The following LMNB2 variants were observed in gnomAD, a reference collection of about 807,000 sequenced individuals.
LMNB2 encodes lamin B2.
Under a neutral mutation model 69.3 loss-of-function variants are expected in LMNB2, and 17 were observed. That is an observed-to-expected ratio of 0.25 (90% confidence interval 0.17 to 0.37). The LOEUF (loss-of-function observed/expected upper bound fraction) is 0.37, where lower values mean the gene tolerates loss of function less well. LMNB2 is among the 10% of genes least tolerant of loss of function. LMNB2 has a pLI of 1.00. For synonymous variants in LMNB2, 397 were observed against 389.3 expected, an observed-to-expected ratio of 1.02 and a Z score of -0.23; for missense variants, 789 against 883.6, an observed-to-expected ratio of 0.89 and a Z score of 1.36.
intron 1 of LMNB2, among the ~76,000 whole-genome samples, chr19:2,445,167 T>C (rs1478479823): frequency 8.8e-5 from 13 of 147,040 alleles, no homozygotes; most frequent in Non-Finnish European, 1.7e-4. Flanking sequence ...GAGAGCCCCC[T>C]GCCCCCACCA....
rs756578249 is a variant in LMNB2, at chr19:2,431,883, C to A, written c.1610G>T (p.Gly537Val). Residue 537 changes from glycine to valine, a missense_variant, in exon 10 of 12, where the codon GGG becomes GTG. Coordinates refer to ENST00000325327, the MANE Select transcript of LMNB2 (RefSeq NM_032737.4). ...CGTCGAGGGGGGGCTGTGGGCCACC[C>A]CCGCACCAGCTGCCCACACCTGAGG... ...QMVTVWAAGAGVAHSPPSTLV... is the reference protein window; with the variant it reads ...QMVTVWAAGAVVAHSPPSTLV... The A allele has an allele frequency of 9.3e-6, 15 of 1,612,342 alleles. No individual in the cohort carries two copies. Among genetic ancestry groups the A allele is most frequent in the Non-Finnish European group, 1.3e-5 (15 of 1,179,884 alleles).
intron 7 of LMNB2, 73 bp downstream of exon 7, chr19:2,434,222 C>T (rs1971789118): frequency 6.4e-7 from 1 of 1,564,732 alleles, no homozygotes; most frequent in Non-Finnish European, 8.6e-7. Context: ...CTCCCCGCAG[C>T]CCCGTCCCGC....
chr19:2,431,481 G>C, intron 11 of LMNB2, 67 bp downstream of exon 11: 1 of 1,600,572 alleles, frequency 6.2e-7, no homozygotes, highest in Non-Finnish European at 8.6e-7. Flanking sequence ...GCATGTGTAT[G>C]TGTGTGCACG....
rs372255864 is a variant in LMNB2 at position 2,428,645 on chromosome 19, G to C, written c.*2266C>G. ...AGGGCTGGGTGGCGTCTGATGCTTC[G>C]CAGGGAGGGCGCTAGGCTTCGAGTC... On this transcript the variant is annotated 3_prime_UTR_variant, in exon 12 of 12. Transcript: ENST00000325327. 2 of 152,348 alleles carry C rather than the reference G, an allele frequency of 1.3e-5. No individual in the cohort carries two copies. The highest frequency in any genetic ancestry group is 2.9e-5 in the Non-Finnish European group (2 of 68,136). 9.4% of individuals were successfully genotyped at this position (152,348 alleles called of 1,614,324 possible).
At position 2,433,870 on chromosome 19, in the gene LMNB2, C is replaced by T. The variant is rs748350188; in HGVS notation, c.1438G>A (p.Asp480Asn). 8 of 1,613,304 alleles carry T rather than the reference C, an allele frequency of 5.0e-6. No individual in the cohort carries two copies. Among genetic ancestry groups the T allele is most frequent in the South Asian group, 2.2e-5 (2 of 91,080 alleles). Residue 480 changes from aspartate to asparagine, a missense_variant, in exon 8 of 12, where the codon GAC becomes AAC. Physicochemically the swap from Asp to Asn is conservative, Grantham distance 23. Coordinates refer to ENST00000325327, the MANE Select transcript of LMNB2 (RefSeq NM_032737.4). ...AGCTGCACAAACTTGCCCTCCAGGT[C>T]GATCTCCTCGATGCTGACGCTACCC... ...ASGSVSIEEI[D>N]LEGKFVQLKN...
rs1036461840 is a variant in LMNB2 at position 2,443,248 on chromosome 19, C to T, written c.401+1156G>A. ...CCTGGAGCCCCAGGCCCCGGGCAGGCGGGCGGTGGTCCCTGGGCTGACCTG... is the reference window on the plus strand; with the variant it reads ...CCTGGAGCCCCAGGCCCCGGGCAGGTGGGCGGTGGTCCCTGGGCTGACCTG... On this transcript the variant is annotated intron_variant, in intron 2 of 11. Transcript: ENST00000325327. The surrounding 1 kb of genome is among the most constrained non-coding windows in gnomAD (Gnocchi z 6.2). Among the ~76,000 whole-genome samples, 1 of 152,190 alleles carries T rather than the reference C, an allele frequency of 6.6e-6. No homozygotes were observed. Among genetic ancestry groups the T allele is most frequent in the Non-Finnish European group, 1.5e-5 (1 of 68,022 alleles).
intron 2 of LMNB2, 31 bp downstream of exon 2, chr19:2,444,373 G>T: frequency 1.2e-6 from 2 of 1,613,006 alleles, no homozygotes; most frequent in Non-Finnish European, 1.7e-6. Flanking sequence ...CCAGGATCAG[G>T]GTGACGTCGT....
At chr19:2,444,263 G>C (rs1007460763) in intron 2 of LMNB2, 141 bp downstream of exon 2, 29 of 968,274 alleles carry the variant, frequency 3.0e-5, no homozygotes, top group Admixed American at 2.4e-4. Flanking sequence ...AGCCACTGGT[G>C]GGGGAGAGAG....
intron 4 of LMNB2, among the ~76,000 whole-genome samples, chr19:2,437,571 C>T (rs1480522316): frequency 2.0e-5 from 3 of 152,166 alleles, no homozygotes; most frequent in East Asian, 1.9e-4. Context: ...GAGGCCGAGG[C>T]GGATGAAGCA....
At chr19:2,446,597 G>A (rs765508799) in intron 1 of LMNB2, among the ~76,000 whole-genome samples, 5 of 152,226 alleles carry the variant, frequency 3.3e-5, no homozygotes, top group South Asian at 2.1e-4. Context: ...ATATGTGGAA[G>A]CAAACCGCAG....
chr19:2,438,172 C>G lies in LMNB2; in HGVS notation c.675G>C (p.Val225=). Residue 225 remains valine (V), a synonymous_variant, in exon 4 of 12, where the codon GTG becomes GTC. Transcript: ENST00000325327. ...LQEELDFRKS[V]FEEEVRETRR... Reference sequence around the variant, plus strand: ...CAGGCCACTCACTCACCTCCTCGAACACACTCTTCCGGAAGTCCAGCTCCT... The same window carrying G: ...CAGGCCACTCACTCACCTCCTCGAAGACACTCTTCCGGAAGTCCAGCTCCT... The G allele has an allele frequency of 6.2e-7, 1 of 1,613,988 alleles. No individual in the cohort carries two copies. The highest frequency in any genetic ancestry group is 8.5e-7 in the Non-Finnish European group (1 of 1,180,034).
Position 2,431,558 on chromosome 19 carries a change from A to G in LMNB2, c.1811T>C (p.Phe604Ser). The G allele has an allele frequency of 6.2e-7, 1 of 1,613,992 alleles. No homozygotes were observed. Among genetic ancestry groups the G allele is most frequent in the Non-Finnish European group, 8.5e-7 (1 of 1,179,896 alleles). Reference protein sequence around the residue: ...EEAEFGEEDLFHQQGDPRTTS... With the variant: ...EEAEFGEEDLSHQQGDPRTTS... Reference sequence around the variant, plus strand: ...GCACAGGGGTCCTACCTGTTGGTGGAAAAGATCCTCCTCGCCAAACTCGGC... The same window carrying G: ...GCACAGGGGTCCTACCTGTTGGTGGGAAAGATCCTCCTCGCCAAACTCGGC... The change falls in exon 11 of 12, where the codon TTC (phenylalanine) becomes TCC (serine). Residue 604 changes from phenylalanine (F) to serine (S), a missense_variant. Physicochemically the swap from Phe to Ser is radical, Grantham distance 155. Around this residue, in one of 3 missense-constraint regions of LMNB2, gnomAD observed 609 missense variants for 630.9 expected, o/e 0.97. Transcript: ENST00000325327.
At chr19:2,442,063 G>T (rs1392520445) in intron 2 of LMNB2, among the ~76,000 whole-genome samples, 1 of 152,208 alleles carries the variant, frequency 6.6e-6, no homozygotes, top group Non-Finnish European at 1.5e-5. Flanking sequence ...TCTTCAGCTG[G>T]GTGCCCGGGG....
At chr19:2,441,240 C>A (rs1255568449) in intron 2 of LMNB2, among the ~76,000 whole-genome samples, 1 of 152,266 alleles carries the variant, frequency 6.6e-6, no homozygotes, top group Non-Finnish European at 1.5e-5. Context: ...ACCCTGAATC[C>A]CGGGTCTGGC....
rs1223105349 is a variant in LMNB2 at position 2,429,018 on chromosome 19, G to C, written c.*1893C>G. 1 of 152,160 alleles carries C rather than the reference G, an allele frequency of 6.6e-6. No individual in the cohort carries two copies. The highest frequency in any genetic ancestry group is 1.5e-5 in the Non-Finnish European group (1 of 68,066). The allele number at this position is 152,160 out of a possible 1,614,324, so 9.4% of individuals were successfully genotyped here. On this transcript the variant is annotated 3_prime_UTR_variant, in exon 12 of 12. Transcript: ENST00000325327. ...TGGACATGAGGACCTGCGGGTTTTG[G>C]GGGGGACTTTGTCCCTGAGCCCAGC...
chr19:2,434,884 C>G lies in LMNB2; in HGVS notation c.885G>C (p.Gln295His). The G allele has an allele frequency of 6.2e-7, 1 of 1,606,500 alleles. No homozygotes were observed. The highest frequency in any genetic ancestry group is 1.7e-4 in the Middle Eastern group (1 of 5,950). Residue 295 changes from glutamine to histidine, a missense_variant, in exon 6 of 12, where the codon CAG becomes CAC. Physicochemically the swap from Gln to His is conservative, Grantham distance 24. Transcript: ENST00000325327. ...GAGCCGCACTGGCCGCCTTGTCGTT[C>G]TGGTCAGAGCTCAGCTTGGCGCTGT... ...KLDSAKLSSD[Q>H]NDKAASAARE...
chr19:2,448,771 C>T (rs930780943), intron 1 of LMNB2, among the ~76,000 whole-genome samples: 2 of 152,154 alleles, frequency 1.3e-5, no homozygotes, highest in Non-Finnish European at 2.9e-5. Context: ...TTGCTTGAAC[C>T]CAGGAGGCAG....
chr19:2,434,460 C>G lies in LMNB2; in HGVS notation c.1037G>C (p.Arg346Pro). The G allele has an allele frequency of 6.2e-7, 1 of 1,613,380 alleles. No individual in the cohort carries two copies. The highest frequency in any genetic ancestry group is 8.5e-7 in the Non-Finnish European group (1 of 1,179,966). The change falls in exon 7 of 12, where the codon CGG (arginine) becomes CCG (proline). Residue 346 changes from arginine (R) to proline (P), a missense_variant. By Grantham distance (103) the Arg-to-Pro change is moderately radical (BLOSUM62 -2). Transcript: ENST00000325327. ...RELEEAMAGE[R>P]DKFRKMLDAK... ...GTCCAGCATCTTCCGGAACTTGTCC[C>G]GCTCCCCGGCCATGGCCTCCTCCAG...
rs774098624 is a variant in LMNB2 at position 2,438,229 on chromosome 19, C to T, written c.618G>A (p.Val206=). Residue 206 remains valine, a synonymous_variant, in exon 4 of 12, where the codon GTG becomes GTA. Transcript: ENST00000325327. ...GGCTCTGGCAGCGGTTCTCCAGGTC[C>T]ACACGCATCAGCGTCTCCTTCTCCA... is the stretch of plus-strand genomic sequence containing the variant. ...KQLEKETLMR[V]DLENRCQSLQ... The T allele has an allele frequency of 1.7e-5, 28 of 1,614,088 alleles. No individual in the cohort carries two copies. The highest frequency in any genetic ancestry group is 2.0e-5 in the Non-Finnish European group (24 of 1,180,040).
Sources: gnomAD v4.1 joint callset for allele counts (sites outside exome capture counted in the v4.1 genomes callset) on GRCh38, gnomAD v4.1.1 for gene constraint, gnomAD v4.1.1 regional missense constraint, Gnocchi (gnomAD v3.1) non-coding constraint, MANE v1.5 for transcripts, NCBI Gene and HGNC (gene_info 2026-07-23, HGNC 2026-07-21) for gene names.